The following SLC16A2 variants were observed in gnomAD, a reference collection of about 807,000 sequenced individuals.
The protein encoded by SLC16A2 is solute carrier family 16 member 2.
In SLC16A2, 3 loss-of-function variants were observed where a neutral mutation model predicts 27.2. The observed-to-expected ratio is 0.11, with a 90% confidence interval of 0.05 to 0.28. The LOEUF is 0.28. SLC16A2 is among the 10% of genes least tolerant of loss of function. The pLI is 1.00. For missense variants in SLC16A2, 295 were observed against 458.5 expected, an observed-to-expected ratio of 0.64 and a Z score of 3.26; for synonymous variants, 202 against 187.8, an observed-to-expected ratio of 1.08 and a Z score of -0.62.
In SLC16A2 at chrX:74,440,442, G is replaced by C. The variant is rs191895956; in HGVS notation, c.430+18375G>C. 2.7e-5 allele frequency among the ~76,000 whole-genome samples: 3 copies of C among 109,159 alleles called. No individual in the cohort carries two copies. The East Asian group carries it at 8.7e-4, about 32-fold the overall frequency. 94.8% of individuals were successfully genotyped at this position (109,159 alleles called of 115,157 possible). A position where few individuals can be genotyped will look rare whatever the true frequency, so the allele number is the denominator to read the frequency against. Reference sequence around the variant, plus strand: ...GTGTATGTGTGTGTGTGTTGGTTTGGGCAGTAGAGAGTAGGGCAGGGAGAT... The same window carrying C: ...GTGTATGTGTGTGTGTGTTGGTTTGCGCAGTAGAGAGTAGGGCAGGGAGAT... On this transcript the variant is annotated intron_variant, in intron 1 of 5. Coordinates refer to ENST00000587091, the MANE Select transcript of SLC16A2 (RefSeq NM_006517.5).
intron 1 of SLC16A2, among the ~76,000 whole-genome samples, chrX:74,439,706 G>T (rs1411315778): frequency 9.2e-6 from 1 of 108,770 alleles, no homozygotes; most frequent in South Asian, 4.1e-4. Flanking sequence ...GTGGGGGAGT[G>T]GGGGGTGGTA....
intron 1 of SLC16A2, among the ~76,000 whole-genome samples, chrX:74,481,899 C>A (rs1223514231): frequency 9.1e-6 from 1 of 109,291 alleles, no homozygotes; most frequent in African/African-American, 3.3e-5. Flanking sequence ...AATGTATTTT[C>A]AATGTCTTGC....
intron 1 of SLC16A2, among the ~76,000 whole-genome samples, chrX:74,446,026 C>G (rs1303476569): frequency 9.0e-6 from 1 of 111,632 alleles, no homozygotes; most frequent in African/African-American, 3.3e-5. Flanking sequence ...CAGGAAGCCT[C>G]CAAGCTTCAC....
At chrX:74,433,965 A>G (rs1303594638) in intron 1 of SLC16A2, among the ~76,000 whole-genome samples, 1 of 112,398 alleles carries the variant, frequency 8.9e-6, no homozygotes, top group Non-Finnish European at 1.9e-5. Flanking sequence ...AAATGAGATG[A>G]GGCATGTAAA....
chrX:74,509,338 C>T (rs753157252), intron 1 of SLC16A2, among the ~76,000 whole-genome samples: 1 of 111,676 alleles, frequency 9.0e-6, no homozygotes, highest in African/African-American at 3.3e-5. Flanking sequence ...TTCATGGTTG[C>T]CCTCTATCAG....
intron 1 of SLC16A2, among the ~76,000 whole-genome samples, chrX:74,477,416 CT>C (rs1378143314): frequency 9.0e-6 from 1 of 111,226 alleles, no homozygotes; most frequent in Non-Finnish European, 1.9e-5. Context: ...TTTTGTTGAT[CT>C]TTTCAAAAAA....
At chrX:74,460,047 T>C (rs1417327155) in intron 1 of SLC16A2, among the ~76,000 whole-genome samples, 1 of 111,601 alleles carries the variant, frequency 9.0e-6, no homozygotes, top group Non-Finnish European at 1.9e-5. Flanking sequence ...AGACTAAAGG[T>C]CCCTGTGGGT....
At chrX:74,464,153 T>C (rs1929207090) in intron 1 of SLC16A2, among the ~76,000 whole-genome samples, 1 of 112,513 alleles carries the variant, frequency 8.9e-6, no homozygotes, top group African/African-American at 3.2e-5. Context: ...ATTGTGTTGA[T>C]AACACAGTTT....
At chrX:74,478,004 T>G (rs989810782) in intron 1 of SLC16A2, among the ~76,000 whole-genome samples, 1 of 112,125 alleles carries the variant, frequency 8.9e-6, no homozygotes, top group Non-Finnish European at 1.9e-5. Flanking sequence ...CTATTAGGTC[T>G]GCTTGGTGCA....
chrX:74,494,654 A>G (rs1382784957), intron 1 of SLC16A2, among the ~76,000 whole-genome samples: 1 of 111,065 alleles, frequency 9.0e-6, no homozygotes, highest in Non-Finnish European at 1.9e-5. Flanking sequence ...AGGAACTAGG[A>G]TTGTCCTGGA....
rs747405897 is a variant in SLC16A2, at chrX:74,431,472, G to A, written c.430+9405G>A. On this transcript the variant is annotated intron_variant, in intron 1 of 5. Transcript: ENST00000587091. ...AAATAGACACTGGAGACTACCAGATGGGGAAGGGTGGGAAGGGGATGACAG... is the reference window on the plus strand; with the variant it reads ...AAATAGACACTGGAGACTACCAGATAGGGAAGGGTGGGAAGGGGATGACAG... Among the ~76,000 whole-genome samples the A allele has an allele frequency of 3.6e-5, 4 of 111,592 alleles. No homozygotes were observed. In the South Asian group the frequency reaches 1.5e-3, roughly 43 times the overall value.
chrX:74,427,546 A>G (rs1322431669), intron 1 of SLC16A2, among the ~76,000 whole-genome samples: 3 of 112,160 alleles, frequency 2.7e-5, no homozygotes, highest in Non-Finnish European at 3.8e-5. Context: ...TTGTAGAAGT[A>G]TATAAAGGAT....
At chrX:74,460,738 C>T (rs1017385003) in intron 1 of SLC16A2, among the ~76,000 whole-genome samples, 3 of 111,571 alleles carry the variant, frequency 2.7e-5, no homozygotes, top group Non-Finnish European at 5.6e-5. Context: ...GCAAGCTCCA[C>T]CTCCCAGGTT....
chrX:74,488,963 G>T (rs996666216), intron 1 of SLC16A2, among the ~76,000 whole-genome samples: 3 of 111,326 alleles, frequency 2.7e-5, no homozygotes, highest in Non-Finnish European at 3.8e-5. Flanking sequence ...TTTAAAATTG[G>T]AAATTACCCA....
Position 74,501,073 on chromosome X carries a change from C to T in SLC16A2, c.431-19917C>T, listed in dbSNP as rs1930023402. On this transcript the variant is annotated intron_variant, in intron 1 of 5. Transcript: ENST00000587091. ...TGGCAAAACTGCAATTACTTTTGCA[C>T]CAACCTATATTGTTTCATATAGTCT... Among the ~76,000 whole-genome samples the T allele has an allele frequency of 2.8e-5, 3 of 108,038 alleles. No homozygotes were observed. In the Admixed American group the frequency reaches 3.0e-4, roughly 11 times the overall value. The allele number at this position is 108,038 out of a possible 115,157, so 93.8% of individuals were successfully genotyped here.
intron 4 of SLC16A2, 149 bp downstream of exon 4, chrX:74,526,042 C>A: frequency 1.5e-6 from 1 of 658,664 alleles, no homozygotes; most frequent in Non-Finnish European, 2.4e-6. Flanking sequence ...TGCTTTTAAA[C>A]AAAGAAAATC....
In SLC16A2 at chrX:74,525,311, G is replaced by C. The variant is rs573372017; in HGVS notation, c.1027-439G>C. Among the ~76,000 whole-genome samples, 11 of 112,076 alleles carry C rather than the reference G, an allele frequency of 9.8e-5. No individual in the cohort carries two copies. In the East Asian group the frequency reaches 2.8e-3, roughly 29 times the overall value. On this transcript the variant is annotated intron_variant, in intron 3 of 5. Coordinates refer to ENST00000587091, the MANE Select transcript of SLC16A2 (RefSeq NM_006517.5). ...AAACTTATGCAACTACAGAACTGTT[G>C]GTTGTAGTCCAGCTGTTATCCTCCA...
chrX:74,495,939 C>A (rs1929925482), intron 1 of SLC16A2, among the ~76,000 whole-genome samples: 1 of 111,095 alleles, frequency 9.0e-6, no homozygotes, highest in Middle Eastern at 4.2e-3. Flanking sequence ...GTCCCTGCTC[C>A]CGATCCCCAA....
chrX:74,481,185 C>T (rs924379253), intron 1 of SLC16A2, among the ~76,000 whole-genome samples: 8 of 112,010 alleles, frequency 7.1e-5, no homozygotes, highest in Non-Finnish European at 1.1e-4. Flanking sequence ...AGATATTGGT[C>T]TGTAGTATTC....
Sources: gnomAD v4.1 joint callset for allele counts (sites outside exome capture counted in the v4.1 genomes callset) on GRCh38, gnomAD v4.1.1 for gene constraint, MANE v1.5 for transcripts, NCBI Gene and HGNC (gene_info 2026-07-23, HGNC 2026-07-21) for gene names.